Variants in ITGB2 observed in about 807,000 individuals in gnomAD.
ITGB2 encodes the protein integrin subunit beta 2.
In ITGB2, 56 loss-of-function variants were observed where a neutral mutation model predicts 86.8. The observed-to-expected ratio is 0.65, with a 90% confidence interval of 0.52 to 0.81. ITGB2 has a LOEUF of 0.81. ITGB2 is among the 30% of genes least tolerant of loss of function. The pLI is 0.00. For missense variants in ITGB2, 948 were observed against 1,061.2 expected (o/e 0.89, Z 1.48); for synonymous variants, 457 against 450.4 (o/e 1.01, Z -0.19).
chr21:44,910,550 G>A, intron 2 of ITGB2, 175 bp downstream of exon 2: 1 of 1,422,904 alleles, frequency 7.0e-7, no homozygotes, highest in Non-Finnish European at 9.7e-7. Context: ...AAACAGCACA[G>A]CTACAGCCTC....
chr21:44,922,062 A>G (rs1197342689), upstream of ITGB2, among the ~76,000 whole-genome samples: 2 of 152,258 alleles, frequency 1.3e-5, no homozygotes, highest in African/African-American at 4.8e-5. Flanking sequence ...AGAAATAGAC[A>G]TGAAGAAATC....
chr21:44,909,810 A>G (rs771631703), intron 3 of ITGB2, among the ~76,000 whole-genome samples: 1 of 152,242 alleles, frequency 6.6e-6, no homozygotes, highest in Non-Finnish European at 1.5e-5. Context: ...ATTTACATCA[A>G]AGTACATTTC....
Position 44,889,396 on chromosome 21 carries a change from C to G in ITGB2, c.1757G>C (p.Arg586Pro). Residue 586 changes from arginine (R) to proline (P), a missense_variant, in exon 13 of 16, where the codon CGG (arginine) becomes CCG (proline). Coordinates refer to ENST00000652462, the MANE Select transcript of ITGB2 (RefSeq NM_000211.5). ...ERTTEGCLNP[R>P]RVECSGRGRC... The stretch of plus-strand genomic sequence containing the variant: ...GCCACGACCACTACACTCAACACGC[C>G]GCGGGTTCAGGCAGCCCTCAGTGGT... 6.2e-7 allele frequency: 1 copy of G among 1,612,738 alleles called. No individual in the cohort carries two copies. The highest frequency in any genetic ancestry group is 8.5e-7 in the Non-Finnish European group (1 of 1,179,800).
chr21:44,921,449 C>T, upstream of ITGB2: 1 of 152,926 alleles, frequency 6.5e-6, no homozygotes, highest in Non-Finnish European at 1.5e-5. Flanking sequence ...AGGAAGGCTG[C>T]GGATCTGGGC....
intron 1 of ITGB2, among the ~76,000 whole-genome samples, chr21:44,918,296 G>A (rs569229891): frequency 3.3e-5 from 5 of 152,362 alleles, no homozygotes; most frequent in South Asian, 2.1e-4. Flanking sequence ...TGCAGCAAGG[G>A]GGGCCCACAC....
Position 44,903,391 on chromosome 21 carries a change from T to A in ITGB2, c.473A>T (p.Asn158Ile). 1 of 1,613,940 alleles carries A rather than the reference T, an allele frequency of 6.2e-7. No homozygotes were observed. The highest frequency in any genetic ancestry group is 8.5e-7 in the Non-Finnish European group (1 of 1,179,922). ...KLGGDLLRAL[N>I]EITESGRIGF... Reference sequence around the variant, plus strand: ...AATGCGGCCGGACTCGGTGATCTCGTTGAGGGCCCGGAGCAGGTCGCCACC... The same window carrying A: ...AATGCGGCCGGACTCGGTGATCTCGATGAGGGCCCGGAGCAGGTCGCCACC... Residue 158 changes from asparagine (N) to isoleucine (I), a missense_variant, in exon 5 of 16, where the codon AAC becomes ATC. Coordinates refer to ENST00000652462, the MANE Select transcript of ITGB2 (RefSeq NM_000211.5).
intron 9 of ITGB2, chr21:44,894,008 CAG>C (rs376423684): frequency 3.7e-6 from 1 of 272,310 alleles, no homozygotes; most frequent in South Asian, 3.7e-5. Context: ...GAGAGACAGA[CAG>C]AGAGAGACAG....
chr21:44,923,313 T>C (rs943846556), upstream of ITGB2, among the ~76,000 whole-genome samples: 11 of 152,200 alleles, frequency 7.2e-5, no homozygotes, highest in Non-Finnish European at 1.5e-5. Context: ...TTGCAATGCA[T>C]GGACCATATT....
chr21:44,910,556 G>C, intron 2 of ITGB2, 169 bp downstream of exon 2: 1 of 1,410,194 alleles, frequency 7.1e-7, no homozygotes, highest in Non-Finnish European at 9.8e-7. Flanking sequence ...CACAGCTACA[G>C]CCTCCTGGCA....
At chr21:44,922,024 C>T (rs1461201375), upstream of ITGB2, among the ~76,000 whole-genome samples, 1 of 152,148 alleles carries the variant, frequency 6.6e-6, no homozygotes. Context: ...GCTCCCGGCT[C>T]CTAAACTCTG....
At chr21:44,923,663 G>T (rs1396825814), upstream of ITGB2, among the ~76,000 whole-genome samples, 1 of 152,202 alleles carries the variant, frequency 6.6e-6, no homozygotes. Context: ...CGGGTATAAA[G>T]TTCCCGTTTT....
chr21:44,899,434 G>T (rs1253909500), intron 7 of ITGB2, among the ~76,000 whole-genome samples: 4 of 152,236 alleles, frequency 2.6e-5, no homozygotes, highest in African/African-American at 4.8e-5. Context: ...CACGGGGGCA[G>T]AATCCCAGCC....
intron 1 of ITGB2, among the ~76,000 whole-genome samples, chr21:44,919,021 GCACC>G (rs1568909671): frequency 5.0e-5 from 2 of 40,312 alleles, no homozygotes; most frequent in East Asian, 5.6e-4. Context: ...GCACTCGGAG[GCACC>G]TGCAGTTGCT....
At chr21:44,925,576 T>C (rs1018370338), upstream of ITGB2, among the ~76,000 whole-genome samples, 1 of 152,134 alleles carries the variant, frequency 6.6e-6, no homozygotes, top group African/African-American at 2.4e-5. Context: ...CCAGACTGAC[T>C]GCTAGCAAAA....
intron 1 of ITGB2, among the ~76,000 whole-genome samples, chr21:44,913,154 G>GGCTTCAGGACTCCCCCAGGTCCAGCCA (rs2084157608): frequency 1.6e-5 from 2 of 126,968 alleles, no homozygotes; most frequent in African/African-American, 6.0e-5. Context: ...GGGTCCAGCC[G>GGCTTCAGGACTCCCCCAGGTCCAGCCA]GCTTCAGGAC....
rs530684314 is a variant in ITGB2 at position 44,900,889 on chromosome 21, GC to G, written c.742-415del. 2.6e-3 allele frequency among the ~76,000 whole-genome samples: 398 copies of G among 152,340 alleles called. 1 individual carries two copies. Among genetic ancestry groups the G allele is most frequent in the Non-Finnish European group, 4.2e-3 (285 of 68,020 alleles). The stretch of plus-strand genomic sequence containing the variant: ...GCAGGCCTTGAGTCCACCATTGACA[GC>G]CCCTGGCAGGCGCATGTGGGGGCCG... On this transcript the variant is annotated intron_variant, in intron 6 of 15. Transcript: ENST00000652462.
chr21:44,894,064 A>C, intron 9 of ITGB2: 1 of 249,858 alleles, frequency 4.0e-6, no homozygotes, highest in South Asian at 4.7e-5. Flanking sequence ...AATTGAGAGG[A>C]GGCAGAGGGA....
chr21:44,892,207 G>C lies in ITGB2; in HGVS notation c.1225-211C>G, dbSNP rs551429313. On this transcript the variant is annotated intron_variant, in intron 10 of 15. Transcript: ENST00000652462. Reference sequence around the variant, plus strand: ...TCTGCCCGCACTCCCGCACTGGCCGGCACCAGGATCTCCCCGGCCACACAT... The same window carrying C: ...TCTGCCCGCACTCCCGCACTGGCCGCCACCAGGATCTCCCCGGCCACACAT... Among the ~76,000 whole-genome samples, 16 of 152,338 alleles carry C rather than the reference G, an allele frequency of 1.1e-4. No individual in the cohort carries two copies. In the East Asian group the frequency reaches 2.9e-3, roughly 28 times the overall value.
At chr21:44,908,640 G>T (rs1882482151) in intron 3 of ITGB2, among the ~76,000 whole-genome samples, 1 of 152,050 alleles carries the variant, frequency 6.6e-6, no homozygotes, top group African/African-American at 2.4e-5. Flanking sequence ...CTCTTAAGAC[G>T]CAAGTCTGCT....
Sources: allele counts gnomAD v4.1 joint callset (sites outside exome capture counted in the v4.1 genomes callset), GRCh38; gene constraint gnomAD v4.1.1; transcripts MANE v1.5; gene names NCBI Gene and HGNC (gene_info 2026-07-23, HGNC 2026-07-21).